Variants in BRAF observed in about 807,000 individuals in gnomAD.
The protein encoded by BRAF is B-Raf proto-oncogene, serine/threonine kinase, also known as serine/threonine-protein kinase B-raf.
Under a neutral mutation model 104.6 loss-of-function variants are expected in BRAF, and 16 were observed. The ratio of observed to expected loss-of-function variants is 0.15; its 90% CI spans 0.10 to 0.23. The LOEUF is 0.23. BRAF is among the 10% of genes least tolerant of loss of function. The pLI is 1.00. For synonymous variants in BRAF, 310 were observed against 341.6 expected (o/e 0.91, Z 1.02); for missense variants, 541 against 937.3 (o/e 0.58, Z 5.52).
intron 1 of BRAF, among the ~76,000 whole-genome samples, chr7:140,873,695 G>A (rs57248447): frequency 0.3 from 45,004 of 151,832 alleles, 10,675 homozygotes; most frequent in African/African-American, 0.66. Context: ...CGTGCTACAG[G>A]GTCTGGACAG....
intron 14 of BRAF, among the ~76,000 whole-genome samples, chr7:140,774,167 C>T (rs942422133): frequency 1.3e-5 from 2 of 152,170 alleles, no homozygotes; most frequent in African/African-American, 4.8e-5. Context: ...AAAAAGTATA[C>T]TCTGCTGGAG....
chr7:140,729,579 C>G (rs1404018141), intron 19 of BRAF, among the ~76,000 whole-genome samples: 1 of 151,850 alleles, frequency 6.6e-6, no homozygotes, highest in African/African-American at 2.4e-5. Context: ...CTCAGCAGTT[C>G]GAGACCAGCC....
At chr7:140,767,113 C>A (rs1036626758) in intron 14 of BRAF, among the ~76,000 whole-genome samples, 2 of 152,066 alleles carry the variant, frequency 1.3e-5, no homozygotes, top group South Asian at 4.1e-4. Flanking sequence ...TAGAGATCCA[C>A]TTGTCTCAGC....
At chr7:140,767,979 G>A (rs535883085) in intron 14 of BRAF, among the ~76,000 whole-genome samples, 29 of 152,256 alleles carry the variant, frequency 1.9e-4, no homozygotes, top group African/African-American at 6.7e-4. Flanking sequence ...TAAAGAAAAA[G>A]GGGAGACAGT....
At chr7:140,811,180 G>GT (rs1049116368) in intron 3 of BRAF, among the ~76,000 whole-genome samples, 3 of 152,226 alleles carry the variant, frequency 2.0e-5, no homozygotes, top group African/African-American at 7.2e-5. Context: ...TGATGAAAAT[G>GT]TGACTAGAGG....
chr7:140,724,179 G>C lies in BRAF; in HGVS notation c.*2315C>G. The C allele has an allele frequency of 9.5e-7, 1 of 1,056,452 alleles. No homozygotes were observed. The allele number at this position is 1,056,452 out of a possible 1,614,324, so 65.4% of individuals were successfully genotyped here. ...ATTGTTTAAGAAACTGAAATGCTAAGCTTCCTCCCTAATGGTACCGCCCCT... is the reference window on the plus strand; with the variant it reads ...ATTGTTTAAGAAACTGAAATGCTAACCTTCCTCCCTAATGGTACCGCCCCT... On this transcript the variant is annotated 3_prime_UTR_variant, in exon 20 of 20. Coordinates refer to ENST00000644969, the MANE Select transcript of BRAF (RefSeq NM_001374258.1).
At chr7:140,776,090 G>C (rs1324103430) in intron 14 of BRAF, among the ~76,000 whole-genome samples, 1 of 151,930 alleles carries the variant, frequency 6.6e-6, no homozygotes, top group Non-Finnish European at 1.5e-5. Context: ...CCTTAGACAA[G>C]GAACTTAAAA....
chr7:140,746,605 C>T (rs1797366663), intron 17 of BRAF, among the ~76,000 whole-genome samples: 1 of 151,864 alleles, frequency 6.6e-6, no homozygotes, highest in African/African-American at 2.4e-5. Flanking sequence ...CTGAGGCGGG[C>T]AGATCATCAG....
intron 2 of BRAF, 103 bp downstream of exon 2, chr7:140,850,008 C>T (rs1808984859): frequency 5.8e-6 from 5 of 856,580 alleles, no homozygotes; most frequent in African/African-American, 1.7e-5. Context: ...AAATCTATTC[C>T]TAATCCCACC....
intron 3 of BRAF, among the ~76,000 whole-genome samples, chr7:140,819,371 A>T (rs371706373): frequency 2.3e-4 from 35 of 152,322 alleles, no homozygotes; most frequent in African/African-American, 8.2e-4. Context: ...AATAAAAAAG[A>T]CAAATAATAA....
intron 18 of BRAF, among the ~76,000 whole-genome samples, chr7:140,737,161 T>G (rs1796512453): frequency 6.6e-6 from 1 of 152,206 alleles, no homozygotes; most frequent in South Asian, 2.1e-4. Flanking sequence ...AATGTCTTTT[T>G]CTTATTATAG....
Position 140,802,710 on chromosome 7 carries a change from T to C in BRAF, c.712-1150A>G, listed in dbSNP as rs114211855. Among the ~76,000 whole-genome samples, 1,163 of 152,288 alleles carry C rather than the reference T, an allele frequency of 7.6e-3. 18 individuals carry two copies. The highest frequency in any genetic ancestry group is 0.026 in the African/African-American group (1,098 of 41,580). ...AAAATATTTTTGTATAGCTATATAATGTTTTTAAACTTTTGAAACTGTTAT... is the reference window on the plus strand; with the variant it reads ...AAAATATTTTTGTATAGCTATATAACGTTTTTAAACTTTTGAAACTGTTAT... On this transcript the variant is annotated intron_variant, in intron 5 of 19. Coordinates refer to ENST00000644969, the MANE Select transcript of BRAF (RefSeq NM_001374258.1).
intron 3 of BRAF, among the ~76,000 whole-genome samples, chr7:140,812,817 C>A (rs890275303): frequency 6.6e-6 from 1 of 151,940 alleles, no homozygotes; most frequent in Admixed American, 6.6e-5. Context: ...GATGCTGGGA[C>A]AACTGGAACT....
At chr7:140,897,413 A>G (rs1243714922) in intron 1 of BRAF, among the ~76,000 whole-genome samples, 2 of 152,082 alleles carry the variant, frequency 1.3e-5, no homozygotes, top group Non-Finnish European at 2.9e-5. Flanking sequence ...TACCTAAACA[A>G]AATTTTTAAA....
At chr7:140,759,194 T>C (rs756878702) in intron 14 of BRAF, among the ~76,000 whole-genome samples, 15 of 152,234 alleles carry the variant, frequency 9.9e-5, no homozygotes, top group Non-Finnish European at 1.8e-4. Flanking sequence ...GTCTTTGTTG[T>C]TGACTGATGG....
chr7:140,831,706 A>T (rs28391730), intron 3 of BRAF, among the ~76,000 whole-genome samples: 7 of 152,032 alleles, frequency 4.6e-5, no homozygotes, highest in Middle Eastern at 3.2e-3. Flanking sequence ...CCTTTAAAAA[A>T]TTTTTTTTGA....
chr7:140,758,659 T>G (rs565577894), intron 14 of BRAF, among the ~76,000 whole-genome samples: 3 of 152,204 alleles, frequency 2.0e-5, no homozygotes, highest in Non-Finnish European at 4.4e-5. Context: ...CTCACTATGT[T>G]GCCCAGGCTG....
chr7:140,912,340 C>T (rs1490482340), intron 1 of BRAF, among the ~76,000 whole-genome samples: 2 of 152,186 alleles, frequency 1.3e-5, no homozygotes, highest in Admixed American at 6.5e-5. Flanking sequence ...CCAATCACGT[C>T]GACCTTCCTA....
chr7:140,737,312 GCTC>G (rs1335839831), intron 18 of BRAF, among the ~76,000 whole-genome samples: 1 of 152,094 alleles, frequency 6.6e-6, no homozygotes, highest in African/African-American at 2.4e-5. Context: ...TACATAGAAT[GCTC>G]CTCCTCACTT....
Sources: allele counts gnomAD v4.1 joint callset (sites outside exome capture counted in the v4.1 genomes callset), GRCh38; gene constraint gnomAD v4.1.1; transcripts MANE v1.5; gene names NCBI Gene and HGNC (gene_info 2026-07-23, HGNC 2026-07-21).